The following CLEC16A variants were observed in gnomAD, a reference collection of about 807,000 sequenced individuals.
CLEC16A encodes the protein C-type lectin domain containing 16A.
In CLEC16A, 51 loss-of-function variants were observed where a neutral mutation model predicts 109.5. That is an observed-to-expected ratio of 0.47 (90% confidence interval 0.37 to 0.59). CLEC16A has a LOEUF of 0.59. Among genes scored for constraint, CLEC16A ranks in the 20% least tolerant of loss-of-function variants. The pLI is 0.00. For synonymous variants in CLEC16A, 673 were observed against 564.2 expected (o/e 1.19, Z -2.73); for missense variants, 1,339 against 1,394.0 (o/e 0.96, Z 0.63).
intron 11 of CLEC16A, among the ~76,000 whole-genome samples, chr16:11,006,328 A>G (rs2045008387): frequency 6.6e-6 from 1 of 152,224 alleles, no homozygotes; most frequent in South Asian, 2.1e-4. Context: ...AGCAAGGGGC[A>G]GGGATGCTGG....
chr16:11,168,396 G>A (rs1597621441), intron 23 of CLEC16A, among the ~76,000 whole-genome samples: 1 of 152,204 alleles, frequency 6.6e-6, no homozygotes, highest in African/African-American at 2.4e-5. Context: ...CAGGACCTCC[G>A]AGGTGTCTGC....
At chr16:11,029,028 G>A (rs1034633769) in intron 13 of CLEC16A, among the ~76,000 whole-genome samples, 1 of 152,124 alleles carries the variant, frequency 6.6e-6, no homozygotes, top group African/African-American at 2.4e-5. Context: ...ATTTTTGATT[G>A]GTTGACAGTT....
intron 19 of CLEC16A, among the ~76,000 whole-genome samples, chr16:11,074,833 G>T (rs1567281438): frequency 6.6e-6 from 1 of 152,102 alleles, no homozygotes. Context: ...GAGAAATGAG[G>T]CATTTGAGTA....
chr16:11,021,494 G>A (rs1352987456), intron 12 of CLEC16A, among the ~76,000 whole-genome samples: 2 of 152,156 alleles, frequency 1.3e-5, no homozygotes, highest in Non-Finnish European at 2.9e-5. Context: ...AAAGGAAGAG[G>A]TATCTGCTTA....
At chr16:11,149,693 A>T (rs1217000697) in intron 22 of CLEC16A, among the ~76,000 whole-genome samples, 1 of 152,034 alleles carries the variant, frequency 6.6e-6, no homozygotes. Context: ...GGAAGCTGAG[A>T]CATGAGAATG....
intron 9 of CLEC16A, 143 bp downstream of exon 9, chr16:10,979,525 GCTTT>G (rs2043205612): frequency 5.7e-6 from 4 of 702,048 alleles, no homozygotes; most frequent in Non-Finnish European, 9.8e-6. Flanking sequence ...AACAGAAGGG[GCTTT>G]CTGTTTTCCA....
At chr16:11,043,159 A>C (rs2047443516) in intron 15 of CLEC16A, among the ~76,000 whole-genome samples, 1 of 152,142 alleles carries the variant, frequency 6.6e-6, no homozygotes, top group Admixed American at 6.5e-5. Flanking sequence ...TGGCTCATGC[A>C]TGTAATTCCA....
chr16:11,110,059 A>G (rs79906829), intron 19 of CLEC16A, among the ~76,000 whole-genome samples: 90 of 152,296 alleles, frequency 5.9e-4, no homozygotes, highest in Non-Finnish European at 1.2e-3. Flanking sequence ...AGTCAGCCCC[A>G]TTTATCGCTC....
At chr16:10,975,523 TG>T (rs2042991099) in intron 7 of CLEC16A, among the ~76,000 whole-genome samples, 2 of 152,204 alleles carry the variant, frequency 1.3e-5, no homozygotes, top group African/African-American at 4.8e-5. Context: ...TCTTATTAAG[TG>T]GGAGAAAAGT....
rs185553978 is a variant in CLEC16A, at chr16:10,945,740, C to G, written c.80+943C>G. ...GTAGCTGTGTTTATTATCAGCTCAG[C>G]GAGGCCTTCCCAGACCACCCTACCT... On this transcript the variant is annotated intron_variant, in intron 1 of 23. Transcript: ENST00000409790. Among the ~76,000 whole-genome samples, 10 of 152,332 alleles carry G rather than the reference C, an allele frequency of 6.6e-5. No individual in the cohort carries two copies. In the East Asian group the frequency reaches 1.5e-3, roughly 23 times the overall value.
chr16:10,959,173 C>T (rs1207905960), intron 2 of CLEC16A, among the ~76,000 whole-genome samples: 2 of 152,156 alleles, frequency 1.3e-5, no homozygotes, highest in Admixed American at 6.5e-5. Context: ...TTCATGGATT[C>T]AGACAGAATT....
Position 11,060,884 on chromosome 16 carries a change from T to C in CLEC16A, c.1996-18T>C. ...TCTGCAATCTCACTCTTCTCTGCTC[T>C]CTGAACTGTTGGTCCAGGCCATCCG... is the stretch of plus-strand genomic sequence containing the variant. On this transcript the variant is annotated intron_variant, in intron 18 of 23. Coordinates refer to ENST00000409790, the MANE Select transcript of CLEC16A (RefSeq NM_015226.3). 6.3e-7 allele frequency: 1 copy of C among 1,599,180 alleles called. No homozygotes were observed. The highest frequency in any genetic ancestry group is 8.5e-7 in the Non-Finnish European group (1 of 1,171,874).
At chr16:11,066,062 A>C (rs741173) in intron 19 of CLEC16A, among the ~76,000 whole-genome samples, 82,699 of 151,922 alleles carry the variant, frequency 0.54, 22,765 homozygotes, top group East Asian at 0.66. Flanking sequence ...CAGGGGCCAG[A>C]CTGTGCCTGG....
intron 13 of CLEC16A, among the ~76,000 whole-genome samples, chr16:11,030,749 A>G (rs766873725): frequency 6.6e-6 from 1 of 152,110 alleles, no homozygotes; most frequent in Non-Finnish European, 1.5e-5. Flanking sequence ...GGTTCAAGCA[A>G]TTCTCCTGCC....
intron 10 of CLEC16A, among the ~76,000 whole-genome samples, chr16:10,986,377 A>G (rs2146886187): frequency 6.6e-6 from 1 of 152,184 alleles, no homozygotes; most frequent in South Asian, 2.1e-4. Flanking sequence ...CTTTTAACAC[A>G]TTTTTATTTG....
chr16:10,989,292 C>T (rs1473959042), intron 10 of CLEC16A, among the ~76,000 whole-genome samples: 1 of 152,146 alleles, frequency 6.6e-6, no homozygotes, highest in Admixed American at 6.5e-5. Flanking sequence ...GTGATCCTAG[C>T]TCACTGCAGC....
In CLEC16A at chr16:11,123,732, C is replaced by G. The variant is rs776412866; in HGVS notation, c.2269-10C>G. The G allele has an allele frequency of 1.2e-6, 2 of 1,613,988 alleles. No homozygotes were observed. The highest frequency in any genetic ancestry group is 1.7e-6 in the Non-Finnish European group (2 of 1,179,818). On this transcript the variant is annotated splice_polypyrimidine_tract_variant and intron_variant, in intron 20 of 23. Coordinates refer to ENST00000409790, the MANE Select transcript of CLEC16A (RefSeq NM_015226.3). ...AACGAATGCCTTTTCCTTTGCTTCT[C>G]ACTGTGCAGGACATGCAGGTGACTG...
intron 22 of CLEC16A, among the ~76,000 whole-genome samples, chr16:11,129,762 CTTT>C (rs34035128): frequency 4.0e-5 from 5 of 125,560 alleles, no homozygotes; most frequent in Admixed American, 7.8e-5. Flanking sequence ...GGCCTGGTTC[CTTT>C]TTTTTTTTTT....
chr16:10,998,718 A>G (rs2044478667), intron 10 of CLEC16A, among the ~76,000 whole-genome samples: 1 of 151,936 alleles, frequency 6.6e-6, no homozygotes, highest in African/African-American at 2.4e-5. Context: ...CCTGGTACAA[A>G]CATTCATTCC....
Sources: gnomAD v4.1 joint callset for allele counts (sites outside exome capture counted in the v4.1 genomes callset) on GRCh38, gnomAD v4.1.1 for gene constraint, MANE v1.5 for transcripts, NCBI Gene and HGNC (gene_info 2026-07-23, HGNC 2026-07-21) for gene names.